The following KCNH1 variants were observed in gnomAD, a reference collection of about 807,000 sequenced individuals.
KCNH1 encodes potassium voltage-gated channel subfamily H member 1.
Under a neutral mutation model 69.2 loss-of-function variants are expected in KCNH1, and 27 were observed. The observed-to-expected ratio is 0.39, with a 90% CI of 0.29 to 0.54. The LOEUF is 0.54. KCNH1 is among the 20% of genes least tolerant of loss of function. The pLI, the probability that KCNH1 is intolerant of heterozygous loss-of-function variation, is 0.68. For missense variants in KCNH1, 798 were observed against 1,261.6 expected, an observed-to-expected ratio of 0.63 and a Z score of 5.57; for synonymous variants, 456 against 487.7, an observed-to-expected ratio of 0.93 and a Z score of 0.86.
intron 7 of KCNH1, chr1:210,859,442 C>A: frequency 6.2e-7 from 1 of 1,608,994 alleles, no homozygotes; most frequent in Non-Finnish European, 8.5e-7. Flanking sequence ...TCTTCATCAT[C>A]AATGATTGTG....
In KCNH1 at chr1:211,090,664, T is replaced by C; in HGVS notation, c.337A>G (p.Ile113Val). 1 of 1,606,452 alleles carries C rather than the reference T, an allele frequency of 6.2e-7. No individual in the cohort carries two copies. Among genetic ancestry groups the C allele is most frequent in the South Asian group, 1.1e-5 (1 of 88,590 alleles). ...TCCTGTTCGTTTCGAATTGGAGCAA[T>C]TTTCACAAAGAACCACACAGGTGTC... Reference protein sequence around the residue: ...NRTPVWFFVKIAPIRNEQDKV... With the variant: ...NRTPVWFFVKVAPIRNEQDKV... Residue 113 changes from isoleucine to valine, a missense_variant, in exon 4 of 11, where the codon ATT becomes GTT. By Grantham distance (29) the Ile-to-Val change is conservative. This residue lies in a region of KCNH1 where 266 missense variants were observed against 457.2 expected (regional missense o/e 0.58). Coordinates refer to ENST00000271751, the MANE Select transcript of KCNH1 (RefSeq NM_172362.3).
chr1:210,921,040 T>C (rs974607309), intron 6 of KCNH1, among the ~76,000 whole-genome samples: 3 of 152,162 alleles, frequency 2.0e-5, no homozygotes, highest in Admixed American at 6.5e-5. Context: ...GAGACAAACA[T>C]AAACCACTAA....
intron 5 of KCNH1, among the ~76,000 whole-genome samples, chr1:211,073,570 G>A (rs1181871274): frequency 6.6e-6 from 1 of 152,020 alleles, no homozygotes; most frequent in Non-Finnish European, 1.5e-5. Flanking sequence ...AAAACAGCTA[G>A]AAAATCCAAA....
At chr1:210,784,072 C>T (rs989329519) in intron 9 of KCNH1, among the ~76,000 whole-genome samples, 4 of 152,196 alleles carry the variant, frequency 2.6e-5, no homozygotes, top group African/African-American at 9.7e-5. Context: ...TCCAGCCCAG[C>T]CCTGACTGTG....
chr1:210,927,027 G>C (rs750596394), intron 6 of KCNH1, among the ~76,000 whole-genome samples: 2 of 151,970 alleles, frequency 1.3e-5, no homozygotes, highest in Non-Finnish European at 2.9e-5. Context: ...AAAGAAAAAA[G>C]AATTTTAAAA....
chr1:210,853,265 A>C (rs2102469438), intron 7 of KCNH1, among the ~76,000 whole-genome samples: 1 of 152,310 alleles, frequency 6.6e-6, no homozygotes, highest in South Asian at 2.1e-4. Flanking sequence ...GTGGCTTAAA[A>C]GAGATCACAT....
intron 9 of KCNH1, among the ~76,000 whole-genome samples, chr1:210,793,129 G>A (rs898691180): frequency 6.6e-6 from 1 of 152,180 alleles, no homozygotes; most frequent in Non-Finnish European, 1.5e-5. Context: ...GCCATTAAGT[G>A]ATTTCTAAGA....
intron 7 of KCNH1, among the ~76,000 whole-genome samples, chr1:210,820,582 C>T (rs779610954): frequency 2.7e-4 from 41 of 151,962 alleles, no homozygotes; most frequent in Non-Finnish European, 4.6e-4. Context: ...TGCAGTGAGC[C>T]GAGATCATGT....
At chr1:211,119,203 A>C (rs1192651824) in intron 1 of KCNH1, among the ~76,000 whole-genome samples, 1 of 152,110 alleles carries the variant, frequency 6.6e-6, no homozygotes, top group African/African-American at 2.4e-5. Flanking sequence ...TACTAAAAAT[A>C]CAAAAAATTA....
intron 5 of KCNH1, 114 bp downstream of exon 5, chr1:211,082,666 G>A (rs779748864): frequency 3.0e-5 from 24 of 795,826 alleles, no homozygotes; most frequent in Admixed American, 1.5e-4. Context: ...CAAGACAGGC[G>A]TCTGGGGGTC....
chr1:210,918,224 A>G (rs1687387349), intron 7 of KCNH1, among the ~76,000 whole-genome samples: 1 of 152,216 alleles, frequency 6.6e-6, no homozygotes, highest in African/African-American at 2.4e-5. Context: ...CAGTTGGACA[A>G]AGCAAGGCAA....
chr1:210,765,928 T>C (rs1558460729), intron 10 of KCNH1, among the ~76,000 whole-genome samples: 1 of 151,898 alleles, frequency 6.6e-6, no homozygotes, highest in Non-Finnish European at 1.5e-5. Flanking sequence ...CCGGGCGTGG[T>C]GGCAGGCACC....
chr1:211,064,347 T>A (rs1222659006), intron 5 of KCNH1, among the ~76,000 whole-genome samples: 1 of 152,146 alleles, frequency 6.6e-6, no homozygotes, highest in Non-Finnish European at 1.5e-5. Context: ...GATCACGAGG[T>A]CAGGAGATCG....
chr1:211,032,354 T>G (rs775355158), intron 5 of KCNH1, among the ~76,000 whole-genome samples: 1 of 152,292 alleles, frequency 6.6e-6, no homozygotes, highest in Middle Eastern at 3.4e-3. Flanking sequence ...ATTTATAGAT[T>G]CAATGCCATC....
intron 9 of KCNH1, among the ~76,000 whole-genome samples, chr1:210,779,614 A>G (rs184922981): frequency 6.6e-6 from 1 of 152,300 alleles, no homozygotes; most frequent in East Asian, 1.9e-4. Context: ...AAACTACTGG[A>G]GGCAATCAGC....
At chr1:210,961,838 CAAAAAAAAA>C (rs1439784794) in intron 6 of KCNH1, among the ~76,000 whole-genome samples, 1 of 107,970 alleles carries the variant, frequency 9.3e-6, no homozygotes, top group Non-Finnish European at 2.0e-5. Context: ...AAAACTGTCT[CAAAAAAAAA>C]GAAAAAAAAA....
At chr1:210,972,171 T>C (rs1688522775) in intron 6 of KCNH1, among the ~76,000 whole-genome samples, 2 of 152,144 alleles carry the variant, frequency 1.3e-5, no homozygotes, top group Non-Finnish European at 1.5e-5. Flanking sequence ...AAGTTCTAAT[T>C]ATAATATCAT....
intron 3 of KCNH1, among the ~76,000 whole-genome samples, chr1:211,103,087 T>C (rs1466517943): frequency 6.6e-6 from 1 of 152,240 alleles, no homozygotes; most frequent in Non-Finnish European, 1.5e-5. Context: ...AAACGCTTAA[T>C]TAGGCACCCA....
At chr1:210,956,536 G>GTT (rs770358496) in intron 6 of KCNH1, among the ~76,000 whole-genome samples, 2,214 of 122,206 alleles carry the variant, frequency 0.018, 93 homozygotes, top group African/African-American at 0.061. Context: ...TGGTCCTGGA[G>GTT]TTTTTTTTTT....
Sources: gnomAD v4.1 joint callset for allele counts (sites outside exome capture counted in the v4.1 genomes callset) on GRCh38, gnomAD v4.1.1 for gene constraint, gnomAD v4.1.1 regional missense constraint, MANE v1.5 for transcripts, NCBI Gene and HGNC (gene_info 2026-07-23, HGNC 2026-07-21) for gene names.